The following INPP4B variants were observed in gnomAD, a reference collection of about 807,000 sequenced individuals.
INPP4B encodes inositol polyphosphate 4-phosphatase type II.
INPP4B carries 55 observed loss-of-function variants against 122.5 expected under a neutral mutation model. The observed-to-expected ratio is 0.45, with a 90% CI of 0.36 to 0.56. The LOEUF (loss-of-function observed/expected upper bound fraction) is 0.56, where lower values mean the gene tolerates loss of function less well. Among genes scored for constraint, INPP4B ranks in the 20% least tolerant of loss-of-function variants. The pLI, the probability that INPP4B is intolerant of heterozygous loss-of-function variation, is 0.00. For synonymous variants in INPP4B, 403 were observed against 388.7 expected (o/e 1.04, Z -0.43); for missense variants, 1,000 against 1,097.7 (o/e 0.91, Z 1.26).
intron 25 of INPP4B, among the ~76,000 whole-genome samples, chr4:142,077,564 T>C: frequency 6.6e-6 from 1 of 152,058 alleles, no homozygotes; most frequent in South Asian, 2.1e-4. Context: ...TAAGTTTGAT[T>C]AATAGGAAGT....
rs532942174 is a variant in INPP4B at position 142,044,670 on chromosome 4, A to C, written c.2643-15756T>G. Among the ~76,000 whole-genome samples, 8 of 152,292 alleles carry C rather than the reference A, an allele frequency of 5.3e-5. No individual in the cohort carries two copies. The South Asian group carries it at 1.7e-3, about 32-fold the overall frequency. ...ATAGGATTGATGGAACCGTTTTAAGATATATGAAATGAGGATGCTTGGAGG... is the reference window on the plus strand; with the variant it reads ...ATAGGATTGATGGAACCGTTTTAAGCTATATGAAATGAGGATGCTTGGAGG... On this transcript the variant is annotated intron_variant, in intron 25 of 25. Transcript: ENST00000262992.
At chr4:142,660,402 A>G (rs946140380) in intron 2 of INPP4B, among the ~76,000 whole-genome samples, 1 of 152,072 alleles carries the variant, frequency 6.6e-6, no homozygotes, top group African/African-American at 2.4e-5. Flanking sequence ...TGTACCCCTT[A>G]AAATGTATCC....
At chr4:142,782,864 A>G (rs1314915584) in intron 1 of INPP4B, among the ~76,000 whole-genome samples, 2 of 152,210 alleles carry the variant, frequency 1.3e-5, no homozygotes, top group Admixed American at 6.5e-5. Context: ...AACGCCGCAT[A>G]TCTACAACTA....
At chr4:142,588,651 T>C (rs1320380881) in intron 2 of INPP4B, among the ~76,000 whole-genome samples, 1 of 151,280 alleles carries the variant, frequency 6.6e-6, no homozygotes, top group Non-Finnish European at 1.5e-5. Context: ...ATGAGGTCTA[T>C]ATGCAGAAAA....
intron 2 of INPP4B, among the ~76,000 whole-genome samples, chr4:142,533,154 T>C (rs959380308): frequency 6.6e-6 from 1 of 152,108 alleles, no homozygotes; most frequent in Admixed American, 6.6e-5. Flanking sequence ...AGGTCAAAAT[T>C]CAAAATATAC....
At chr4:142,436,121 C>A (rs1810454702) in intron 3 of INPP4B, among the ~76,000 whole-genome samples, 1 of 152,200 alleles carries the variant, frequency 6.6e-6, no homozygotes, top group African/African-American at 2.4e-5. Flanking sequence ...CACAGCCCAG[C>A]ACACAGGCTG....
At chr4:142,127,703 T>G (rs72718453) in intron 18 of INPP4B, among the ~76,000 whole-genome samples, 1 of 152,314 alleles carries the variant, frequency 6.6e-6, no homozygotes, top group Non-Finnish European at 1.5e-5. Flanking sequence ...TACAAGTTTG[T>G]GAGCAAGGTA....
chr4:142,310,138 T>C (rs943490867), intron 8 of INPP4B, among the ~76,000 whole-genome samples: 10 of 151,996 alleles, frequency 6.6e-5, no homozygotes, highest in African/African-American at 1.2e-4. Context: ...TTTTTTTTTT[T>C]ATATTACAAT....
intron 20 of INPP4B, among the ~76,000 whole-genome samples, chr4:142,122,935 C>T (rs1797164037): frequency 6.6e-6 from 1 of 151,934 alleles, no homozygotes; most frequent in Middle Eastern, 3.2e-3. Flanking sequence ...AGACACATTT[C>T]AATTACCCAA....
At chr4:142,086,372 T>G (rs1399590186) in intron 23 of INPP4B, 116 bp from the exon 24 acceptor site, 1 of 642,130 alleles carries the variant, frequency 1.6e-6, no homozygotes, top group Non-Finnish European at 2.7e-6. Context: ...TTAGGCAGGG[T>G]CTTGCTCTGC....
chr4:142,199,591 C>T (rs963600038), intron 14 of INPP4B, among the ~76,000 whole-genome samples: 4 of 152,020 alleles, frequency 2.6e-5, no homozygotes, highest in African/African-American at 9.7e-5. Context: ...CTTCTAGGAT[C>T]CTGCCTTCCA....
intron 7 of INPP4B, among the ~76,000 whole-genome samples, chr4:142,378,657 T>C (rs985169317): frequency 6.6e-6 from 1 of 152,188 alleles, no homozygotes; most frequent in Non-Finnish European, 1.5e-5. Context: ...AATATTAACA[T>C]TGCCCTAGGA....
intron 2 of INPP4B, among the ~76,000 whole-genome samples, chr4:142,524,471 G>A (rs1826568923): frequency 6.6e-6 from 1 of 151,898 alleles, no homozygotes; most frequent in Non-Finnish European, 1.5e-5. Context: ...AGAAGTGTCT[G>A]TTCATGTCCT....
intron 7 of INPP4B, among the ~76,000 whole-genome samples, chr4:142,388,095 C>G (rs574241416): frequency 6.6e-6 from 1 of 152,312 alleles, no homozygotes; most frequent in East Asian, 1.9e-4. Context: ...TGAGCTACCT[C>G]TAAAGATTCT....
intron 7 of INPP4B, among the ~76,000 whole-genome samples, chr4:142,369,619 A>T (rs13102167): frequency 7.5e-6 from 1 of 132,840 alleles, no homozygotes; most frequent in Non-Finnish European, 1.7e-5. Flanking sequence ...AATAAATAAA[A>T]ATAAAAAAAT....
chr4:142,159,296 G>C (rs1165719188), intron 17 of INPP4B, among the ~76,000 whole-genome samples: 1 of 151,808 alleles, frequency 6.6e-6, no homozygotes, highest in Non-Finnish European at 1.5e-5. Flanking sequence ...AGGTAAAAGG[G>C]AGAAAGAAAT....
At chr4:142,516,388 G>T (rs1038633157) in intron 2 of INPP4B, among the ~76,000 whole-genome samples, 2 of 152,104 alleles carry the variant, frequency 1.3e-5, no homozygotes, top group African/African-American at 4.8e-5. Flanking sequence ...CTATGGGCCA[G>T]GCATTAGTTC....
At chr4:142,644,905 C>CAAAAAAAA (rs72460445) in intron 2 of INPP4B, among the ~76,000 whole-genome samples, 2 of 66,154 alleles carry the variant, frequency 3.0e-5, no homozygotes, top group African/African-American at 1.2e-4. Flanking sequence ...GACTCCATCT[C>CAAAAAAAA]AAAAAAAAAA....
At chr4:142,556,294 A>G (rs928928548) in intron 2 of INPP4B, among the ~76,000 whole-genome samples, 19 of 152,316 alleles carry the variant, frequency 1.2e-4, no homozygotes, top group African/African-American at 4.3e-4. Context: ...ACTGTCACCA[A>G]CTGTGTGGGA....
Sources: allele counts gnomAD v4.1 joint callset (sites outside exome capture counted in the v4.1 genomes callset), GRCh38; gene constraint gnomAD v4.1.1; transcripts MANE v1.5; gene names NCBI Gene and HGNC (gene_info 2026-07-23, HGNC 2026-07-21).